SCN2A: variants seen among roughly 807,000 people sequenced by gnomAD.
SCN2A encodes sodium voltage-gated channel alpha subunit 2, also known as sodium channel protein type 2 subunit alpha.
A neutral mutation model predicts 188.7 loss-of-function variants in SCN2A; 20 were observed. The ratio of observed to expected loss-of-function variants is 0.11; its 90% CI spans 0.07 to 0.15. The LOEUF (loss-of-function observed/expected upper bound fraction) is 0.15. Among genes scored for constraint, SCN2A ranks in the 10% least tolerant of loss-of-function variants. The probability of loss-of-function intolerance (pLI) is 1.00; values close to 1 mark genes in which losing one functional copy is unlikely to be tolerated. For synonymous variants in SCN2A, 804 were observed against 833.1 expected (o/e 0.97, Z 0.60); for missense variants, 1,278 against 2,445.0 (o/e 0.52, Z 10.07).
chr2:165,327,263 C>T (rs576495295), intron 13 of SCN2A: 58 of 403,348 alleles, frequency 1.4e-4, no homozygotes, highest in Admixed American at 2.2e-4. Context: ...GTGTGCATGA[C>T]GTTGAAAAGA....
intron 1 of SCN2A, among the ~76,000 whole-genome samples, chr2:165,282,393 T>C (rs1452392591): frequency 1.3e-5 from 2 of 152,156 alleles, no homozygotes; most frequent in African/African-American, 4.8e-5. Flanking sequence ...GGGCAGACAT[T>C]ATCTTCTGCT....
intron 12 of SCN2A, among the ~76,000 whole-genome samples, chr2:165,325,805 T>C (rs1032905456): frequency 6.6e-6 from 1 of 152,194 alleles, no homozygotes; most frequent in Non-Finnish European, 1.5e-5. Flanking sequence ...TGAATAGTTA[T>C]CACCATTAGT....
In SCN2A at chr2:165,373,412, T is replaced by C. The variant is rs6432821; in HGVS notation, c.3972+65T>C. The stretch of plus-strand genomic sequence containing the variant: ...GAGAGCAGACTGACACTTTGTACCA[T>C]GGAAATGTCAAATTTATGGAGAATT... On this transcript the variant is annotated intron_variant, in intron 21 of 26. Transcript: ENST00000375437. 1 allele frequency: 1,574,038 copies of C among 1,577,172 alleles called. 785,500 individuals carry two copies. The highest frequency in any genetic ancestry group is 1 in the East Asian group (44,533 of 44,534).
chr2:165,260,385 G>C (rs1238177631), intron 1 of SCN2A, among the ~76,000 whole-genome samples: 1 of 152,130 alleles, frequency 6.6e-6, no homozygotes, highest in Non-Finnish European at 1.5e-5. Flanking sequence ...GTAATATTTT[G>C]AAAAGAATAG....
At chr2:165,274,015 A>G (rs1231817659) in intron 1 of SCN2A, 4 of 152,160 alleles carry the variant, frequency 2.6e-5, no homozygotes, top group Non-Finnish European at 5.9e-5. Context: ...GGGCTCCTGT[A>G]TCTGTGCACA....
At chr2:165,324,825 C>T (rs1698266330) in intron 12 of SCN2A, among the ~76,000 whole-genome samples, 1 of 152,120 alleles carries the variant, frequency 6.6e-6, no homozygotes. Context: ...AATATTGCCT[C>T]CCACTGAGTT....
rs114176465 is a variant in SCN2A at position 165,386,530 on chromosome 2, A to T, written c.4552-216A>T. Among the ~76,000 whole-genome samples, 508 of 152,026 alleles carry T rather than the reference A, an allele frequency of 3.3e-3. 6 individuals carry two copies. The highest frequency in any genetic ancestry group is 0.012 in the African/African-American group (486 of 41,474). Reference sequence around the variant, plus strand: ...TTGAGATCTGACATGGAGCTTCCCTATTTACACTACTTACCTGCTTTGTGA... The same window carrying T: ...TTGAGATCTGACATGGAGCTTCCCTTTTTACACTACTTACCTGCTTTGTGA... On this transcript the variant is annotated intron_variant, in intron 25 of 26. Transcript: ENST00000375437.
intron 13 of SCN2A, among the ~76,000 whole-genome samples, chr2:165,330,575 A>G (rs1698621553): frequency 6.6e-6 from 1 of 152,172 alleles, no homozygotes. Context: ...TATGAGAGTT[A>G]TATATTTAAA....
intron 1 of SCN2A, among the ~76,000 whole-genome samples, chr2:165,258,676 A>T (rs548802462): frequency 6.6e-6 from 1 of 152,368 alleles, no homozygotes; most frequent in Non-Finnish European, 1.5e-5. Flanking sequence ...AAGACATGGC[A>T]TCAACCTAAA....
chr2:165,349,217 A>G (rs1011155478), intron 16 of SCN2A, among the ~76,000 whole-genome samples: 3 of 152,254 alleles, frequency 2.0e-5, no homozygotes, highest in Admixed American at 6.5e-5. Flanking sequence ...AGAATCCTTT[A>G]TGACAACATG....
At chr2:165,242,060 G>A (rs1448281411) in intron 1 of SCN2A, among the ~76,000 whole-genome samples, 1 of 152,048 alleles carries the variant, frequency 6.6e-6, no homozygotes, top group Non-Finnish European at 1.5e-5. Context: ...TTCCCCTGGG[G>A]CAGTAAAAGT....
intron 7 of SCN2A, among the ~76,000 whole-genome samples, chr2:165,311,820 A>T (rs1312854535): frequency 6.6e-5 from 10 of 152,104 alleles, no homozygotes; most frequent in Non-Finnish European, 1.5e-5. Flanking sequence ...TTTTTAACAT[A>T]GATTTGCTAA....
At chr2:165,282,252 G>C (rs353129) in intron 1 of SCN2A, among the ~76,000 whole-genome samples, 39,141 of 151,992 alleles carry the variant, frequency 0.26, 5,558 homozygotes, top group South Asian at 0.32. Context: ...CAATGCTTTG[G>C]GGGGTTGACC....
At chr2:165,247,183 T>G (rs1395384048) in intron 1 of SCN2A, among the ~76,000 whole-genome samples, 1 of 152,362 alleles carries the variant, frequency 6.6e-6, no homozygotes, top group African/African-American at 2.4e-5. Context: ...TTTATTTCTC[T>G]GTCTCTCCTG....
intron 1 of SCN2A, among the ~76,000 whole-genome samples, chr2:165,255,701 TGAA>T (rs760047810): frequency 7.2e-5 from 11 of 152,182 alleles, no homozygotes; most frequent in Non-Finnish European, 1.3e-4. Flanking sequence ...CACCTCTTCA[TGAA>T]GGAGATATTG....
At position 165,342,485 on chromosome 2, in the gene SCN2A, G is replaced by A; in HGVS notation, c.2562+16G>A. 3.1e-6 allele frequency: 5 copies of A among 1,613,486 alleles called. No homozygotes were observed. Among genetic ancestry groups the A allele is most frequent in the Non-Finnish European group, 4.2e-6 (5 of 1,179,520 alleles). ...ATTCCGGCTGGTAAATTAACTGGGA[G>A]TGTTCATAAAATGTACTTTGTAATT... On this transcript the variant is annotated intron_variant, in intron 15 of 26. Transcript: ENST00000375437.
chr2:165,261,181 T>A (rs754792916), intron 1 of SCN2A, among the ~76,000 whole-genome samples: 10 of 152,158 alleles, frequency 6.6e-5, no homozygotes, highest in Non-Finnish European at 1.5e-4. Flanking sequence ...AAAAAATATT[T>A]TTGATCCATG....
chr2:165,307,912 C>A lies in SCN2A; in HGVS notation c.451C>A (p.Pro151Thr). ...TNCVFMTMSN[P>T]PDWTKNVEYT... ...CTGTGTATTTATGACCATGAGTAAC[C>A]CTCCAGACTGGACAAAGAATGTGGA... The change falls in exon 4 of 27, where the codon CCT becomes ACT. Residue 151 changes from proline to threonine, a missense_variant. Physicochemically the swap from Pro to Thr is conservative, Grantham distance 38 (BLOSUM62 -1). Around this residue, in one of 17 missense-constraint regions of SCN2A, gnomAD observed 141 missense variants for 185.4 expected, o/e 0.76. Coordinates refer to ENST00000375437, the MANE Select transcript of SCN2A (RefSeq NM_001040142.2). The A allele has an allele frequency of 6.2e-7, 1 of 1,608,582 alleles. No individual in the cohort carries two copies. The highest frequency in any genetic ancestry group is 8.5e-7 in the Non-Finnish European group (1 of 1,175,278).
chr2:165,313,537 A>G, intron 8 of SCN2A, 83 bp from the exon 9 acceptor site: 1 of 1,528,836 alleles, frequency 6.5e-7, no homozygotes, highest in Non-Finnish European at 9.1e-7. Flanking sequence ...TATAAAACAG[A>G]CATTGGCATA....
Sources: allele counts gnomAD v4.1 joint callset (sites outside exome capture counted in the v4.1 genomes callset), GRCh38; gene constraint gnomAD v4.1.1; regional missense constraint gnomAD v4.1.1; transcripts MANE v1.5; gene names NCBI Gene and HGNC (gene_info 2026-07-23, HGNC 2026-07-21).